The following KLF15 variants were observed in gnomAD, a reference collection of about 807,000 sequenced individuals.
KLF15 encodes Krueppel-like factor 15.
In KLF15, 4 loss-of-function variants were observed where a neutral mutation model predicts 24.6. The ratio of observed to expected loss-of-function variants is 0.16; its 90% confidence interval spans 0.08 to 0.37. The LOEUF (loss-of-function observed/expected upper bound fraction) is 0.37, where lower values mean the gene tolerates loss of function less well. Ranked by LOEUF, KLF15 falls within the 10% of genes least tolerant of loss-of-function variation. The pLI is 1.00. For missense variants in KLF15, 496 were observed against 560.6 expected, an observed-to-expected ratio of 0.88 and a Z score of 1.16; for synonymous variants, 246 against 236.3, an observed-to-expected ratio of 1.04 and a Z score of -0.37.
the KLF15 span, among the ~76,000 whole-genome samples, chr3:126,310,151 C>G: frequency 6.6e-6 from 1 of 152,240 alleles, no homozygotes; most frequent in Non-Finnish European, 1.5e-5. Context: ...GCACAGATCC[C>G]CTCCCAGCAG....
the KLF15 span, among the ~76,000 whole-genome samples, chr3:126,332,171 G>T: frequency 6.6e-6 from 1 of 152,024 alleles, no homozygotes; most frequent in African/African-American, 2.4e-5. Context: ...AAGTGTCCCT[G>T]TCTGACAGCT....
the KLF15 span, among the ~76,000 whole-genome samples, chr3:126,322,539 C>A: frequency 6.6e-6 from 1 of 152,198 alleles, no homozygotes; most frequent in Non-Finnish European, 1.5e-5. Flanking sequence ...GGATCCTCCC[C>A]CCATCTCCAG....
the KLF15 span, among the ~76,000 whole-genome samples, chr3:126,294,771 T>C: frequency 2.6e-5 from 4 of 151,968 alleles, no homozygotes; most frequent in African/African-American, 4.8e-5. Context: ...CAAGCATCTC[T>C]GCTCCCTTTG....
chr3:126,307,185 T>G, the KLF15 span, among the ~76,000 whole-genome samples: 2 of 152,138 alleles, frequency 1.3e-5, no homozygotes, highest in South Asian at 4.2e-4. Flanking sequence ...ACACACCGCC[T>G]GAGCAGCTGG....
chr3:126,341,173 C>T (rs79482015), downstream of KLF15, among the ~76,000 whole-genome samples: 3,016 of 152,226 alleles, frequency 0.02, 97 homozygotes, highest in African/African-American at 0.068. Flanking sequence ...CGGGGAGGTG[C>T]ACCATATGTG....
the KLF15 span, among the ~76,000 whole-genome samples, chr3:126,327,111 G>A: frequency 2.6e-5 from 4 of 152,120 alleles, no homozygotes; most frequent in African/African-American, 7.2e-5. Flanking sequence ...CTAGGACATC[G>A]TTCAGGATTC....
In KLF15 at chr3:126,351,827, C is replaced by T; in HGVS notation, c.1082+14G>A. 3.1e-6 allele frequency: 5 copies of T among 1,606,944 alleles called. No homozygotes were observed. The highest frequency in any genetic ancestry group is 4.2e-6 in the Non-Finnish European group (5 of 1,177,114). ...CTGTGCTCACTGCCCAGGCCTGTCACTCGCTATACTGACCTCCAGCCGCAG... is the reference window on the plus strand; with the variant it reads ...CTGTGCTCACTGCCCAGGCCTGTCATTCGCTATACTGACCTCCAGCCGCAG... On this transcript the variant is annotated intron_variant, in intron 2 of 2. Transcript: ENST00000296233.
intron 2 of KLF15, among the ~76,000 whole-genome samples, chr3:126,348,709 G>A (rs1439170433): frequency 6.6e-6 from 1 of 152,242 alleles, no homozygotes; most frequent in Admixed American, 6.5e-5. Flanking sequence ...AGAGAGGGCG[G>A]ATGCCCACGC....
the KLF15 span, among the ~76,000 whole-genome samples, chr3:126,309,294 G>A: frequency 0.026 from 4,025 of 152,324 alleles, 127 homozygotes; most frequent in African/African-American, 0.07. Context: ...CGCTCTGGCC[G>A]GCGAAGCCAC....
At chr3:126,335,279 C>A in the KLF15 span, among the ~76,000 whole-genome samples, 2 of 147,302 alleles carry the variant, frequency 1.4e-5, no homozygotes. Context: ...ATATGCAAAT[C>A]AATAAATGTA....
rs1460973278 is a variant in KLF15 at position 126,352,313 on chromosome 3, C to T, written c.610G>A (p.Ala204Thr). Residue 204 changes from alanine to threonine, a missense_variant, in exon 2 of 3, where the codon GCC becomes ACC. Ala to Thr is a moderately conservative substitution (Grantham distance 58, BLOSUM62 0). This residue lies in a region of KLF15 where 399 missense variants were observed against 423.1 expected (regional missense o/e 0.94). Transcript: ENST00000296233. ...PPPGGASAGG[A>T]QGPGGGPTPD... ...GTGGGGCCCCCACCTGGGCCCTGGG[C>T]ACCTCCTGCACTGGCACCACCTGGT... 1.3e-6 allele frequency: 2 copies of T among 1,557,198 alleles called. No individual in the cohort carries two copies. The highest frequency in any genetic ancestry group is 8.7e-7 in the Non-Finnish European group (1 of 1,154,498).
chr3:126,323,810 A>C, the KLF15 span, among the ~76,000 whole-genome samples: 39 of 150,284 alleles, frequency 2.6e-4, no homozygotes, highest in East Asian at 7.5e-3. Flanking sequence ...TGAATACCCA[A>C]ATATGTGATG....
chr3:126,353,018 C>G, intron 1 of KLF15, 71 bp from the exon 2 acceptor site: 1 of 1,479,616 alleles, frequency 6.8e-7, no homozygotes, highest in Non-Finnish European at 9.0e-7. Context: ...GGCCTCTGAC[C>G]CCACCCTCAG....
intron 2 of KLF15, among the ~76,000 whole-genome samples, chr3:126,349,928 A>C (rs2082569036): frequency 6.6e-6 from 1 of 152,202 alleles, no homozygotes; most frequent in South Asian, 2.1e-4. Context: ...TCCTCCTCAG[A>C]AACTGCCGTG....
the KLF15 span, among the ~76,000 whole-genome samples, chr3:126,293,491 G>T: frequency 3.9e-5 from 6 of 152,192 alleles, no homozygotes; most frequent in African/African-American, 7.2e-5. Context: ...GTCTGTAGGG[G>T]TGAAGCATTT....
At chr3:126,327,377 G>A in the KLF15 span, among the ~76,000 whole-genome samples, 1 of 152,182 alleles carries the variant, frequency 6.6e-6, no homozygotes, top group Admixed American at 6.6e-5. Flanking sequence ...GACATGATCA[G>A]ACCGACTTTA....
downstream of KLF15, among the ~76,000 whole-genome samples, chr3:126,340,435 G>A (rs1158188594): frequency 6.6e-6 from 1 of 152,256 alleles, no homozygotes; most frequent in East Asian, 1.9e-4. Context: ...GAAGGAGGCT[G>A]GGTGCCCTGT....
the KLF15 span, among the ~76,000 whole-genome samples, chr3:126,315,014 A>T: frequency 6.6e-6 from 1 of 152,016 alleles, no homozygotes; most frequent in African/African-American, 2.4e-5. Flanking sequence ...GCGGCCAGGG[A>T]TGTCTGCTTC....
In KLF15 at chr3:126,349,438, C is replaced by T. The variant is rs1054888176; in HGVS notation, c.1082+2403G>A. On this transcript the variant is annotated intron_variant, in intron 2 of 2. Transcript: ENST00000296233. ...CTTGCCAAGTGGGTCCTGGGCAGCA[C>T]GACCAGTGCCAGGGCTCAGATGTGT... Among the ~76,000 whole-genome samples the T allele has an allele frequency of 4.6e-5, 7 of 152,282 alleles. No homozygotes were observed. The East Asian group carries it at 9.7e-4, about 21-fold the overall frequency.
Sources: allele counts gnomAD v4.1 joint callset (sites outside exome capture counted in the v4.1 genomes callset), GRCh38; gene constraint gnomAD v4.1.1; regional missense constraint gnomAD v4.1.1; transcripts MANE v1.5; gene names NCBI Gene and HGNC (gene_info 2026-07-23, HGNC 2026-07-21).